The following GRM5 variants were observed in gnomAD, a reference collection of about 807,000 sequenced individuals.
The protein encoded by GRM5 is glutamate metabotropic receptor 5, also known as metabotropic glutamate receptor 5.
GRM5 carries 19 observed loss-of-function variants against 83.1 expected under a neutral mutation model. The observed-to-expected ratio is 0.23, with a 90% CI of 0.16 to 0.34. The LOEUF (loss-of-function observed/expected upper bound fraction) is 0.34. Ranked by LOEUF, GRM5 falls within the 10% of genes least tolerant of loss-of-function variation. The pLI, the probability that GRM5 is intolerant of heterozygous loss-of-function variation, is 1.00. For synonymous variants in GRM5, 675 were observed against 633.6 expected (o/e 1.07, Z -0.98); for missense variants, 1,160 against 1,588.3 (o/e 0.73, Z 4.58).
intron 3 of GRM5, among the ~76,000 whole-genome samples, chr11:88,715,152 G>T (rs1941372455): frequency 1.3e-5 from 2 of 151,998 alleles, no homozygotes; most frequent in Admixed American, 1.3e-4. Flanking sequence ...TAGGGCAGTG[G>T]TTGTTGTCAG....
chr11:88,573,924 T>C (rs1007014634), intron 7 of GRM5, among the ~76,000 whole-genome samples: 2 of 152,244 alleles, frequency 1.3e-5, no homozygotes, highest in African/African-American at 4.8e-5. Context: ...TAATATTTTT[T>C]CTTTACTTAG....
intron 2 of GRM5, among the ~76,000 whole-genome samples, chr11:88,950,327 C>T (rs574045942): frequency 1.3e-5 from 2 of 148,176 alleles, no homozygotes; most frequent in African/African-American, 5.0e-5. Context: ...TAAACAGAAC[C>T]TATTAAGAGA....
At chr11:88,702,647 C>T (rs1454006326) in intron 3 of GRM5, among the ~76,000 whole-genome samples, 1 of 151,902 alleles carries the variant, frequency 6.6e-6, no homozygotes, top group African/African-American at 2.4e-5. Context: ...ATGTGACTGC[C>T]CAAAATTCAT....
intron 2 of GRM5, among the ~76,000 whole-genome samples, chr11:88,936,993 C>A (rs1675207989): frequency 6.6e-6 from 1 of 151,480 alleles, no homozygotes; most frequent in Admixed American, 6.6e-5. Flanking sequence ...GGAAGATTCC[C>A]AAAGAGAAGT....
At position 88,507,749 on chromosome 11, in the gene GRM5, C is replaced by A. The variant is rs185466586; in HGVS notation, c.*843G>T. 7.9e-4 allele frequency: 121 copies of A among 152,706 alleles called. No homozygotes were observed. Among genetic ancestry groups the A allele is most frequent in the South Asian group, 4.4e-3 (21 of 4,812 alleles). 9.5% of individuals were successfully genotyped at this position (152,706 alleles called of 1,614,324 possible). On this transcript the variant is annotated 3_prime_UTR_variant, in exon 10 of 10. Transcript: ENST00000305447. ...AAAGAGAATTTCCAGCTACAATGCA[C>A]CCCAGTGAGGGAATTACAAAACAGT...
At chr11:89,058,248 A>T (rs1941917541) in intron 1 of GRM5, among the ~76,000 whole-genome samples, 1 of 152,230 alleles carries the variant, frequency 6.6e-6, no homozygotes, top group African/African-American at 2.4e-5. Context: ...CATCATTTAG[A>T]TAAGGGTTTC....
intron 3 of GRM5, among the ~76,000 whole-genome samples, chr11:88,706,398 C>G (rs1005438998): frequency 6.6e-5 from 10 of 152,052 alleles, no homozygotes; most frequent in African/African-American, 2.4e-4. Flanking sequence ...ATTAAAGTAT[C>G]TCCCTTAAAG....
chr11:88,948,600 G>A (rs1287396351), intron 2 of GRM5, among the ~76,000 whole-genome samples: 2 of 152,148 alleles, frequency 1.3e-5, no homozygotes, highest in African/African-American at 2.4e-5. Flanking sequence ...CATAAAATTC[G>A]TAGAAGTTTT....
chr11:88,643,269 A>G (rs1304998864), intron 4 of GRM5, among the ~76,000 whole-genome samples: 1 of 37,324 alleles, frequency 2.7e-5, no homozygotes, highest in Non-Finnish European at 2.6e-4. Context: ...GTATGGTGCC[A>G]TGCTTTACAA....
At chr11:89,027,709 C>T (rs1303671798) in intron 2 of GRM5, among the ~76,000 whole-genome samples, 1 of 152,078 alleles carries the variant, frequency 6.6e-6, no homozygotes, top group Non-Finnish European at 1.5e-5. Context: ...GACATGTGAA[C>T]GTATTTAAAT....
intron 3 of GRM5, among the ~76,000 whole-genome samples, chr11:88,819,922 A>T (rs919434930): frequency 1.3e-5 from 2 of 151,916 alleles, no homozygotes; most frequent in African/African-American, 4.8e-5. Flanking sequence ...CTAGAAGCCC[A>T]CTCCTGCCAT....
intron 7 of GRM5, among the ~76,000 whole-genome samples, chr11:88,587,850 A>C (rs903587557): frequency 1.3e-5 from 2 of 152,142 alleles, no homozygotes; most frequent in African/African-American, 2.4e-5. Context: ...CCACTTCTCT[A>C]TCAAACCTAG....
At chr11:88,923,505 A>C (rs1198182247) in intron 2 of GRM5, among the ~76,000 whole-genome samples, 1 of 152,160 alleles carries the variant, frequency 6.6e-6, no homozygotes, top group Non-Finnish European at 1.5e-5. Flanking sequence ...GAAATAATTG[A>C]ATTCATAGAG....
chr11:88,921,459 T>TA (rs559456949), intron 2 of GRM5, among the ~76,000 whole-genome samples: 108 of 151,844 alleles, frequency 7.1e-4, no homozygotes, highest in Middle Eastern at 3.4e-3. Flanking sequence ...CCGTCTCTAG[T>TA]AAAAAACAAC....
chr11:88,582,219 G>A (rs1253987360), intron 7 of GRM5, among the ~76,000 whole-genome samples: 4 of 152,208 alleles, frequency 2.6e-5, no homozygotes, highest in Admixed American at 2.0e-4. Context: ...TCACCATTGT[G>A]TGCCCAATAC....
At chr11:88,949,001 C>G (rs1308176373) in intron 2 of GRM5, among the ~76,000 whole-genome samples, 2 of 152,198 alleles carry the variant, frequency 1.3e-5, no homozygotes, top group Admixed American at 6.5e-5. Context: ...TGTGCCCCAA[C>G]TAAACATGAA....
intron 3 of GRM5, among the ~76,000 whole-genome samples, chr11:88,668,212 GCA>G (rs71046259): frequency 6.3e-5 from 9 of 142,566 alleles, no homozygotes; most frequent in East Asian, 2.0e-4. Flanking sequence ...GCAGAAACTC[GCA>G]CACACACACA....
At chr11:89,049,572 A>G (rs934595697) in intron 1 of GRM5, among the ~76,000 whole-genome samples, 1 of 152,236 alleles carries the variant, frequency 6.6e-6, no homozygotes, top group African/African-American at 2.4e-5. Context: ...TTAAGTCCAG[A>G]CACAAAATGA....
intron 8 of GRM5, among the ~76,000 whole-genome samples, chr11:88,549,912 G>A (rs1322799385): frequency 1.3e-5 from 2 of 152,130 alleles, no homozygotes; most frequent in Admixed American, 1.3e-4. Flanking sequence ...ATCAACAAGA[G>A]AGATTTAGAA....
Sources: allele counts gnomAD v4.1 joint callset (sites outside exome capture counted in the v4.1 genomes callset), GRCh38; gene constraint gnomAD v4.1.1; transcripts MANE v1.5; gene names NCBI Gene and HGNC (gene_info 2026-07-23, HGNC 2026-07-21).